OSTM1: variants seen among roughly 807,000 people sequenced by gnomAD.
The protein encoded by OSTM1 is osteoclastogenesis associated transmembrane protein 1.
Under a neutral mutation model 35.4 loss-of-function variants are expected in OSTM1, and 26 were observed. That is an observed-to-expected ratio of 0.73 (90% confidence interval 0.54 to 1.02). The LOEUF is 1.02. Ranked by LOEUF, OSTM1 falls within the 50% of genes least tolerant of loss-of-function variation. OSTM1 has a pLI of 0.00. For missense variants in OSTM1, 366 were observed against 409.6 expected, an observed-to-expected ratio of 0.89 and a Z score of 0.92; for synonymous variants, 181 against 165.0, an observed-to-expected ratio of 1.10 and a Z score of -0.75.
chr6:108,064,421 G>A (rs763210830), intron 1 of OSTM1, 122 bp from the exon 2 acceptor site: 23 of 682,554 alleles, frequency 3.4e-5, no homozygotes, highest in Non-Finnish European at 5.8e-5. Context: ...TGTTTGATAT[G>A]ATCAGATGTT....
chr6:108,044,746 T>C lies in OSTM1; in HGVS notation c.*39A>G. The C allele has an allele frequency of 8.6e-7, 1 of 1,166,024 alleles. No homozygotes were observed. Among genetic ancestry groups the C allele is most frequent in the Non-Finnish European group, 1.3e-6 (1 of 781,812 alleles). The allele number at this position is 1,166,024 out of a possible 1,614,324, so 72.2% of individuals were successfully genotyped here. ...TGAAACCAAGTTGTGTCTTCCACCA[T>C]TCATTCACGTGATATGTCAATTCTC... On this transcript the variant is annotated 3_prime_UTR_variant, in exon 6 of 6. Coordinates refer to ENST00000193322, the MANE Select transcript of OSTM1 (RefSeq NM_014028.4).
chr6:108,044,282 A>G lies in OSTM1; in HGVS notation c.*503T>C, dbSNP rs1403791821. ...AAAAATGACTCTAGGGAAACTAGAG[A>G]CTGAATTATATATTATTGTGATGTA... On this transcript the variant is annotated 3_prime_UTR_variant, in exon 6 of 6. Coordinates refer to ENST00000193322, the MANE Select transcript of OSTM1 (RefSeq NM_014028.4). The G allele has an allele frequency of 6.6e-6, 1 of 152,630 alleles. No homozygotes were observed. Among genetic ancestry groups the G allele is most frequent in the Non-Finnish European group, 1.5e-5 (1 of 68,038 alleles). 9.5% of individuals were successfully genotyped at this position (152,630 alleles called of 1,614,324 possible).
At chr6:108,049,507 T>A in intron 4 of OSTM1, 89 bp from the exon 5 acceptor site, 1 of 1,582,448 alleles carries the variant, frequency 6.3e-7, no homozygotes, top group Non-Finnish European at 8.6e-7. Flanking sequence ...TAAACAGGAA[T>A]CTAGAATTTA....
intron 1 of OSTM1, among the ~76,000 whole-genome samples, chr6:108,068,483 C>T (rs1479467608): frequency 1.3e-5 from 2 of 152,148 alleles, no homozygotes; most frequent in Non-Finnish European, 2.9e-5. Context: ...TAAATGACAA[C>T]CCTATTCATT....
chr6:108,058,966 C>T (rs543496322), intron 2 of OSTM1, among the ~76,000 whole-genome samples: 1 of 152,188 alleles, frequency 6.6e-6, no homozygotes, highest in South Asian at 2.1e-4. Flanking sequence ...TAATTATCAC[C>T]CAGATCACCT....
rs566197276 is a variant in OSTM1, at chr6:108,043,587, A to G, written c.*1198T>C. On this transcript the variant is annotated 3_prime_UTR_variant, in exon 6 of 6. Coordinates refer to ENST00000193322, the MANE Select transcript of OSTM1 (RefSeq NM_014028.4). ...ATTAATAAATGAAATCCTGAACTCT[A>G]AAAACCTAAGAAATAAAACTGTGAA... The G allele has an allele frequency of 6.6e-6, 1 of 152,344 alleles. No individual in the cohort carries two copies. The highest frequency in any genetic ancestry group is 2.1e-4 in the South Asian group (1 of 4,828). 9.4% of individuals were successfully genotyped at this position (152,344 alleles called of 1,614,324 possible).
In OSTM1 at chr6:108,044,544, G is replaced by T. The variant is rs1167944204; in HGVS notation, c.*241C>A. ...GATTGTTCTTGCATGTTCTGTTATT[G>T]TGACAAATACACATTAAAATAGATA... On this transcript the variant is annotated 3_prime_UTR_variant, in exon 6 of 6. Coordinates refer to ENST00000193322, the MANE Select transcript of OSTM1 (RefSeq NM_014028.4). The T allele has an allele frequency of 8.6e-6, 3 of 347,014 alleles. No individual in the cohort carries two copies. Among genetic ancestry groups the T allele is most frequent in the African/African-American group, 2.1e-5 (1 of 47,320 alleles). The allele number at this position is 347,014 out of a possible 1,614,324, so 21.5% of individuals were successfully genotyped here. A position where few individuals can be genotyped will look rare whatever the true frequency, so the allele number is the denominator to read the frequency against.
At chr6:108,048,026 T>G (rs1023812435) in intron 5 of OSTM1, among the ~76,000 whole-genome samples, 3 of 152,230 alleles carry the variant, frequency 2.0e-5, no homozygotes, top group African/African-American at 7.2e-5. Flanking sequence ...ATTTACAGAA[T>G]GCTGGCAGCC....
rs2114593085 is a variant in OSTM1 at position 108,051,055 on chromosome 6, A to G, written c.759T>C (p.His253=). Residue 253 remains histidine, a synonymous_variant, in exon 4 of 6, where the codon CAT becomes CAC. Transcript: ENST00000193322. ...CTGCATCTTCCACATCAATGCATAA[A>G]TGTGTTCCAGGTTCAGCCTTATTCT... ...ELENKAEPGT[H]LCIDVEDAMN... 1.2e-6 allele frequency: 2 copies of G among 1,613,672 alleles called. No homozygotes were observed. Among genetic ancestry groups the G allele is most frequent in the African/African-American group, 1.3e-5 (1 of 75,038 alleles).
At chr6:108,062,524 GCTTTT>G (rs1772297614) in intron 2 of OSTM1, among the ~76,000 whole-genome samples, 1 of 145,744 alleles carries the variant, frequency 6.9e-6, no homozygotes, top group African/African-American at 2.5e-5. Context: ...TACTATATAA[GCTTTT>G]CTTTTCTTTT....
chr6:108,065,181 C>CT (rs1327090667), intron 1 of OSTM1, among the ~76,000 whole-genome samples: 1 of 149,888 alleles, frequency 6.7e-6, no homozygotes, highest in South Asian at 2.1e-4. Flanking sequence ...TTTTAAAACT[C>CT]TTTTTTAGAA....
Position 108,074,379 on chromosome 6 carries a change from G to A in OSTM1, c.273C>T (p.Phe91=), listed in dbSNP as rs1444585057. The change falls in exon 1 of 6, where the codon TTC becomes TTT. Residue 91 remains phenylalanine (F), a synonymous_variant. Coordinates refer to ENST00000193322, the MANE Select transcript of OSTM1 (RefSeq NM_014028.4). ...CTGTCAGCTCTGCGCTGCTGTTGGC[G>A]AAGTCCAGCAGGAGCTCCCGGCACT... ...DPECRELLLD[F]ANSSAELTGC... 1 of 1,590,556 alleles carries A rather than the reference G, an allele frequency of 6.3e-7. No individual in the cohort carries two copies. The highest frequency in any genetic ancestry group is 1.8e-5 in the Admixed American group (1 of 55,764).
chr6:108,069,965 A>C (rs1772451975), intron 1 of OSTM1, among the ~76,000 whole-genome samples: 1 of 152,076 alleles, frequency 6.6e-6, no homozygotes. Context: ...CACACTAAAG[A>C]AGGGTAGAAA....
chr6:108,052,511 CTTTTTTTTTTT>C (rs35984071), intron 3 of OSTM1, among the ~76,000 whole-genome samples: 1 of 108,126 alleles, frequency 9.2e-6, no homozygotes, highest in Admixed American at 1.1e-4. Context: ...GTAATTTAAC[CTTTTTTTTTTT>C]TTTTTTTTTT....
At chr6:108,060,470 CA>C (rs1480330050) in intron 2 of OSTM1, among the ~76,000 whole-genome samples, 4 of 152,206 alleles carry the variant, frequency 2.6e-5, no homozygotes, top group African/African-American at 9.7e-5. Context: ...TCAATCTCAG[CA>C]CTTTGGGAGG....
chr6:108,069,959 C>T (rs1772451769), intron 1 of OSTM1, among the ~76,000 whole-genome samples: 1 of 152,154 alleles, frequency 6.6e-6, no homozygotes, highest in Non-Finnish European at 1.5e-5. Context: ...TCCATTCACA[C>T]TAAAGAAGGG....
At chr6:108,071,988 A>G (rs932401218) in intron 1 of OSTM1, among the ~76,000 whole-genome samples, 5 of 152,164 alleles carry the variant, frequency 3.3e-5, no homozygotes, top group Non-Finnish European at 7.4e-5. Context: ...GGTGATGCCC[A>G]TAATACTGCA....
At chr6:108,065,249 T>G (rs911379743) in intron 1 of OSTM1, among the ~76,000 whole-genome samples, 1 of 151,424 alleles carries the variant, frequency 6.6e-6, no homozygotes, top group Non-Finnish European at 1.5e-5. Flanking sequence ...CTTTTTTTTT[T>G]TTTTTTTTGA....
At chr6:108,050,981 C>A in intron 4 of OSTM1, 50 bp downstream of exon 4, 2 of 1,402,524 alleles carry the variant, frequency 1.4e-6, no homozygotes, top group Non-Finnish European at 1.0e-6. Flanking sequence ...ACTGAAGGTA[C>A]ATTCAATAAC....
Sources: gnomAD v4.1 joint callset for allele counts (sites outside exome capture counted in the v4.1 genomes callset) on GRCh38, gnomAD v4.1.1 for gene constraint, MANE v1.5 for transcripts, NCBI Gene and HGNC (gene_info 2026-07-23, HGNC 2026-07-21) for gene names.